GRIA3: variants seen among roughly 807,000 people sequenced by gnomAD.
GRIA3 encodes glutamate receptor 3.
A neutral mutation model predicts 63.0 loss-of-function variants in GRIA3; 3 were observed. The observed-to-expected ratio is 0.05, with a 90% CI of 0.02 to 0.12. The LOEUF (loss-of-function observed/expected upper bound fraction) is 0.12, where lower values mean the gene tolerates loss of function less well. Ranked by LOEUF, GRIA3 falls within the 10% of genes least tolerant of loss-of-function variation. GRIA3 has a pLI of 1.00. For missense variants in GRIA3, 347 were observed against 700.9 expected, an observed-to-expected ratio of 0.50 and a Z score of 5.70; for synonymous variants, 274 against 257.9, an observed-to-expected ratio of 1.06 and a Z score of -0.60.
chrX:123,326,371 A>G (rs2044904330), intron 4 of GRIA3, among the ~76,000 whole-genome samples, 158 bp downstream of exon 4: 1 of 37,395 alleles, frequency 2.7e-5, no homozygotes, highest in African/African-American at 1.1e-4. Context: ...TGGCTGCAGA[A>G]AAAAAAAAAA....
chrX:123,202,596 T>C (rs2285127), intron 2 of GRIA3: 423,573 of 1,151,262 alleles, frequency 0.37, 54,013 homozygotes, highest in Admixed American at 0.5. Flanking sequence ...AGGAGACCTA[T>C]GGCCAGAAGC....
At chrX:123,190,305 C>T (rs1927395636) in intron 2 of GRIA3, among the ~76,000 whole-genome samples, 1 of 111,628 alleles carries the variant, frequency 9.0e-6, no homozygotes, top group Non-Finnish European at 1.9e-5. Flanking sequence ...TGCTGGCCAG[C>T]CTTCAGTAAG....
At chrX:123,290,151 G>A (rs976982775) in intron 3 of GRIA3, among the ~76,000 whole-genome samples, 6 of 110,717 alleles carry the variant, frequency 5.4e-5, no homozygotes, top group African/African-American at 2.0e-4. Context: ...CCCAAGGGTT[G>A]GAACTCTCCC....
intron 3 of GRIA3, among the ~76,000 whole-genome samples, chrX:123,298,316 C>A (rs1393623784): frequency 1.8e-5 from 2 of 111,215 alleles, no homozygotes; most frequent in Non-Finnish European, 3.8e-5. Context: ...CACTGTCTTC[C>A]ACAATGGTTG....
At chrX:123,469,169 G>A (rs2045849906) in intron 13 of GRIA3, among the ~76,000 whole-genome samples, 1 of 111,737 alleles carries the variant, frequency 8.9e-6, no homozygotes, top group Non-Finnish European at 1.9e-5. Flanking sequence ...TCTGAAACCA[G>A]AAGAGGGAGA....
intron 5 of GRIA3, among the ~76,000 whole-genome samples, chrX:123,391,155 T>C (rs1445407966): frequency 3.6e-5 from 4 of 111,843 alleles, no homozygotes; most frequent in Non-Finnish European, 7.5e-5. Context: ...TTCTTTTTGA[T>C]TGGGATCTAT....
intron 3 of GRIA3, among the ~76,000 whole-genome samples, chrX:123,309,416 C>T (rs952443567): frequency 3.6e-5 from 4 of 110,454 alleles, no homozygotes; most frequent in Non-Finnish European, 7.6e-5. Flanking sequence ...CCTTGTTTCT[C>T]GTTTCTCTCT....
chrX:123,274,951 C>A (rs1347185819), intron 3 of GRIA3, among the ~76,000 whole-genome samples: 1 of 111,431 alleles, frequency 9.0e-6, no homozygotes, highest in Admixed American at 9.6e-5. Flanking sequence ...CAGCACTAGG[C>A]TCCTGCTAGT....
chrX:123,271,175 T>C (rs2044519192), intron 3 of GRIA3, among the ~76,000 whole-genome samples: 1 of 112,267 alleles, frequency 8.9e-6, no homozygotes, highest in Non-Finnish European at 1.9e-5. Context: ...TTAGAGAAGA[T>C]TTCCATAAAC....
intron 3 of GRIA3, among the ~76,000 whole-genome samples, chrX:123,314,349 C>T (rs1412379215): frequency 1.8e-5 from 2 of 112,547 alleles, no homozygotes; most frequent in African/African-American, 3.2e-5. Flanking sequence ...GAGTTTGCAT[C>T]GCAGGCAGTC....
At chrX:123,397,906 G>C (rs751340423) in intron 6 of GRIA3, among the ~76,000 whole-genome samples, 1 of 112,020 alleles carries the variant, frequency 8.9e-6, no homozygotes, top group African/African-American at 3.2e-5. Flanking sequence ...CAAATCCCTT[G>C]TATTTAGTGA....
rs374215406 is a variant in GRIA3, at chrX:123,206,417, C to T, written c.268+20427C>T. On this transcript the variant is annotated intron_variant, in intron 2 of 15. Coordinates refer to ENST00000620443, the MANE Select transcript of GRIA3 (RefSeq NM_007325.5). ...CTTCTTTCGCTAGTAGAGTCGTCAG[C>T]GAGATGCTCGGCAGATGGCTCACTG... is the stretch of plus-strand genomic sequence containing the variant. Among the ~76,000 whole-genome samples the T allele has an allele frequency of 4.0e-3, 447 of 112,167 alleles. 4 individuals carry two copies. In the South Asian group the frequency reaches 0.04, roughly 10 times the overall value.
intron 3 of GRIA3, among the ~76,000 whole-genome samples, chrX:123,266,829 T>C (rs1362965084): frequency 1.8e-5 from 2 of 111,226 alleles, no homozygotes; most frequent in Non-Finnish European, 3.8e-5. Context: ...TCCATTCCTT[T>C]GCAAATACTT....
chrX:123,440,913 T>C (rs944452139), intron 12 of GRIA3, among the ~76,000 whole-genome samples: 9 of 112,016 alleles, frequency 8.0e-5, no homozygotes, highest in African/African-American at 2.9e-4. Flanking sequence ...AGGGTTTTTA[T>C]AGTTTTGGGT....
chrX:123,256,820 T>C (rs1364521656), intron 3 of GRIA3, among the ~76,000 whole-genome samples: 1 of 111,848 alleles, frequency 8.9e-6, no homozygotes, highest in African/African-American at 3.3e-5. Flanking sequence ...GAAAGTCCAT[T>C]GTGGTCATCC....
At chrX:123,469,082 T>C (rs1181561186) in intron 13 of GRIA3, among the ~76,000 whole-genome samples, 5 of 112,747 alleles carry the variant, frequency 4.4e-5, no homozygotes, top group Non-Finnish European at 9.4e-5. Flanking sequence ...TACTGATTAC[T>C]AAAAATGACA....
intron 12 of GRIA3, among the ~76,000 whole-genome samples, chrX:123,461,192 T>C (rs148330975): frequency 2.1e-3 from 236 of 111,992 alleles, no homozygotes; most frequent in African/African-American, 7.3e-3. Context: ...TAAGAAAACT[T>C]ATCTTTAGTC....
At chrX:123,326,369 GAAAAA>G (rs56808544) in intron 4 of GRIA3, among the ~76,000 whole-genome samples, 156 bp downstream of exon 4, 14 of 70,100 alleles carry the variant, frequency 2.0e-4, no homozygotes, top group Non-Finnish European at 3.8e-4. Flanking sequence ...AGTGGCTGCA[GAAAAA>G]AAAAAAAAAA....
chrX:123,475,741 C>T (rs890753134), intron 13 of GRIA3, among the ~76,000 whole-genome samples: 2 of 112,096 alleles, frequency 1.8e-5, no homozygotes, highest in Non-Finnish European at 3.8e-5. Flanking sequence ...GCCCCAGCTG[C>T]AAAATACACC....
Sources: gnomAD v4.1 joint callset for allele counts (sites outside exome capture counted in the v4.1 genomes callset) on GRCh38, gnomAD v4.1.1 for gene constraint, MANE v1.5 for transcripts, NCBI Gene and HGNC (gene_info 2026-07-23, HGNC 2026-07-21) for gene names.